Variants in TRMT10A observed in about 807,000 individuals in gnomAD.
The protein encoded by TRMT10A is tRNA methyltransferase 10 homolog A.
TRMT10A carries 37 observed loss-of-function variants against 40.4 expected under a neutral mutation model. That is an observed-to-expected ratio of 0.92 (90% CI 0.71 to 1.21). The LOEUF (loss-of-function observed/expected upper bound fraction) is 1.21. TRMT10A is among the 50% of genes most tolerant of loss of function. TRMT10A has a pLI of 0.00. For missense variants in TRMT10A, 388 were observed against 404.3 expected (o/e 0.96, Z 0.35); for synonymous variants, 103 against 134.1 (o/e 0.77, Z 1.60).
In TRMT10A at chr4:99,563,968, G is replaced by T; in HGVS notation, c.-79C>A. ...CTCAGAAAGAAAGCCTTTCTGGGTT[G>T]GCCTGGTTACGGCTCACGCTTCCTT... On this transcript the variant is annotated 5_prime_UTR_variant, in exon 1 of 8. Transcript: ENST00000394876. The T allele has an allele frequency of 8.7e-7, 1 of 1,145,668 alleles. No individual in the cohort carries two copies. The highest frequency in any genetic ancestry group is 1.3e-6 in the Non-Finnish European group (1 of 792,432). The allele number at this position is 1,145,668 out of a possible 1,614,324, so 71.0% of individuals were successfully genotyped here.
At chr4:99,553,463 T>C (rs1302446446) in intron 6 of TRMT10A, among the ~76,000 whole-genome samples, 5 of 152,226 alleles carry the variant, frequency 3.3e-5, no homozygotes, top group Non-Finnish European at 4.4e-5. Context: ...AGACAGCATT[T>C]AAGCATGTGG....
intron 1 of TRMT10A, 32 bp downstream of exon 1, chr4:99,563,881 G>C (rs1196575728): frequency 1.4e-6 from 1 of 706,504 alleles, no homozygotes; most frequent in South Asian, 1.5e-5. Context: ...ACCATAGTGC[G>C]GGGGAGCGCC....
At chr4:99,550,080 T>A (rs1723902040) in intron 7 of TRMT10A, among the ~76,000 whole-genome samples, 1 of 142,830 alleles carries the variant, frequency 7.0e-6, no homozygotes, top group African/African-American at 2.8e-5. Context: ...GGATGTCTAT[T>A]TCAATGTTAT....
chr4:99,550,811 T>G, intron 7 of TRMT10A, 74 bp downstream of exon 7: 3 of 1,082,672 alleles, frequency 2.8e-6, no homozygotes, highest in South Asian at 1.4e-5. Context: ...TTCTACTTGT[T>G]CAAATACTAA....
At chr4:99,562,503 G>A (rs1252387404) in intron 1 of TRMT10A, among the ~76,000 whole-genome samples, 1 of 139,342 alleles carries the variant, frequency 7.2e-6, no homozygotes, top group East Asian at 2.2e-4. Context: ...GACAGCGATA[G>A]CAAAGGAATG....
chr4:99,552,348 GT>G (rs1202747582), intron 6 of TRMT10A, among the ~76,000 whole-genome samples: 2 of 152,036 alleles, frequency 1.3e-5, no homozygotes, highest in Non-Finnish European at 2.9e-5. Flanking sequence ...TATCATCTAT[GT>G]TTAAATATGT....
chr4:99,555,834 A>C (rs1371991322), intron 5 of TRMT10A, among the ~76,000 whole-genome samples: 1 of 152,212 alleles, frequency 6.6e-6, no homozygotes, highest in Non-Finnish European at 1.5e-5. Flanking sequence ...TCATTTTTAT[A>C]GGTAACATAT....
intron 6 of TRMT10A, among the ~76,000 whole-genome samples, chr4:99,551,599 G>A (rs182748554): frequency 2.0e-5 from 3 of 152,038 alleles, no homozygotes; most frequent in African/African-American, 4.8e-5. Context: ...ACCTGATAAT[G>A]ATAATAAATG....
chr4:99,562,198 T>G (rs751203533), intron 1 of TRMT10A, among the ~76,000 whole-genome samples: 8 of 123,476 alleles, frequency 6.5e-5, no homozygotes, highest in Non-Finnish European at 9.7e-5. Context: ...TATATATATA[T>G]ATATGTGTGT....
chr4:99,563,697 C>G (rs1205123065), intron 1 of TRMT10A: 4 of 368,792 alleles, frequency 1.1e-5, no homozygotes, highest in Non-Finnish European at 2.1e-5. Context: ...TAAGCTGTCT[C>G]TGGCGAACCA....
chr4:99,548,999 A>G lies in TRMT10A; in HGVS notation c.*89T>C. On this transcript the variant is annotated 3_prime_UTR_variant, in exon 8 of 8. Coordinates refer to ENST00000394876, the MANE Select transcript of TRMT10A (RefSeq NM_001134665.3). The stretch of plus-strand genomic sequence containing the variant: ...TTAAAAATCACAACAGAAATAAGAG[A>G]AAATAAAATGTTCTTCCAATTTCAA... 7.4e-7 allele frequency: 1 copy of G among 1,346,528 alleles called. No individual in the cohort carries two copies. The highest frequency in any genetic ancestry group is 2.0e-5 in the South Asian group (1 of 49,984). 83.4% of individuals were successfully genotyped at this position (1,346,528 alleles called of 1,614,324 possible). A position where few individuals can be genotyped will look rare whatever the true frequency, so the allele number is the denominator to read the frequency against.
In TRMT10A at chr4:99,557,416, C is replaced by T. The variant is rs773103592; in HGVS notation, c.349G>A (p.Asp117Asn). The T allele has an allele frequency of 5.6e-6, 9 of 1,612,368 alleles. No individual in the cohort carries two copies. In the South Asian group the frequency reaches 6.6e-5, roughly 12 times the overall value. ...ATCTGCTTATGAAGTTTCTTAATGT[C>T]CTATCACAGAGTTCAATTTTTAAAG... Reference protein sequence around the residue: ...CSFDHLMVLKDIKKLHKQIQR... With the variant: ...CSFDHLMVLKNIKKLHKQIQR... Residue 117 changes from aspartate (D) to asparagine (N), a missense_variant and splice_region_variant, in exon 4 of 8, where the codon GAC (aspartate) becomes AAC (asparagine). Coordinates refer to ENST00000394876, the MANE Select transcript of TRMT10A (RefSeq NM_001134665.3).
At chr4:99,562,794 G>A (rs1724488886) in intron 1 of TRMT10A, among the ~76,000 whole-genome samples, 1 of 151,534 alleles carries the variant, frequency 6.6e-6, no homozygotes, top group African/African-American at 2.4e-5. Context: ...CAAAGTGCTG[G>A]GATTACAGGC....
chr4:99,557,206 G>A (rs1255068869), intron 4 of TRMT10A, 139 bp downstream of exon 4: 2 of 668,600 alleles, frequency 3.0e-6, no homozygotes, highest in East Asian at 6.0e-5. Flanking sequence ...CTTCATTTCT[G>A]TCAAAAAAAT....
chr4:99,554,178 C>T (rs536955001), intron 5 of TRMT10A, among the ~76,000 whole-genome samples: 1 of 152,304 alleles, frequency 6.6e-6, no homozygotes, highest in East Asian at 1.9e-4. Context: ...CTCCAACCTA[C>T]TTCCACACAC....
intron 6 of TRMT10A, among the ~76,000 whole-genome samples, chr4:99,553,324 G>T (rs938211839): frequency 1.3e-5 from 2 of 152,040 alleles, no homozygotes; most frequent in African/African-American, 4.8e-5. Context: ...GGTATGGATG[G>T]GAAGAGAGAA....
intron 2 of TRMT10A, 75 bp downstream of exon 2, chr4:99,559,079 G>A (rs1724278637): frequency 7.4e-7 from 1 of 1,351,964 alleles, no homozygotes; most frequent in Non-Finnish European, 9.9e-7. Context: ...CATTTAATAT[G>A]CCAAAGGGCT....
chr4:99,552,439 G>A (rs1379587799), intron 6 of TRMT10A, among the ~76,000 whole-genome samples: 3 of 152,120 alleles, frequency 2.0e-5, no homozygotes, highest in African/African-American at 7.2e-5. Context: ...TGTAGCCTAG[G>A]AGCAATAGGC....
intron 5 of TRMT10A, among the ~76,000 whole-genome samples, 185 bp from the exon 6 acceptor site, chr4:99,554,119 C>T (rs924055813): frequency 1.3e-5 from 2 of 152,128 alleles, no homozygotes; most frequent in Admixed American, 1.3e-4. Flanking sequence ...ACACTTTGAT[C>T]ATTTAAATAG....
Sources: allele counts gnomAD v4.1 joint callset (sites outside exome capture counted in the v4.1 genomes callset), GRCh38; gene constraint gnomAD v4.1.1; transcripts MANE v1.5; gene names NCBI Gene and HGNC (gene_info 2026-07-23, HGNC 2026-07-21).